Variants in LRRC7 observed in about 807,000 individuals in gnomAD.
LRRC7 encodes leucine-rich repeat-containing protein 7.
Under a neutral mutation model 175.7 loss-of-function variants are expected in LRRC7, and 23 were observed. The observed-to-expected ratio is 0.13, with a 90% confidence interval of 0.09 to 0.19. The LOEUF is 0.19. Ranked by LOEUF, LRRC7 falls within the 10% of genes least tolerant of loss-of-function variation. LRRC7 has a pLI of 1.00. For synonymous variants in LRRC7, 685 were observed against 680.9 expected, an observed-to-expected ratio of 1.01 and a Z score of -0.09; for missense variants, 1,354 against 1,904.7, an observed-to-expected ratio of 0.71 and a Z score of 5.38.
intron 7 of LRRC7, among the ~76,000 whole-genome samples, chr1:69,848,455 G>C (rs1309646160): frequency 6.6e-6 from 1 of 151,996 alleles, no homozygotes; most frequent in Non-Finnish European, 1.5e-5. Flanking sequence ...AAACAACCCT[G>C]AATTTCATCA....
At chr1:69,910,194 T>C (rs1460057261) in intron 7 of LRRC7, among the ~76,000 whole-genome samples, 1 of 152,152 alleles carries the variant, frequency 6.6e-6, no homozygotes, top group Non-Finnish European at 1.5e-5. Context: ...CTCGTCAAAG[T>C]CATTCTCCGT....
intron 7 of LRRC7, chr1:69,839,104 G>A (rs769577948): frequency 7.4e-5 from 19 of 258,408 alleles, no homozygotes; most frequent in South Asian, 6.6e-4. Flanking sequence ...ATTTCAGTAG[G>A]ACTTAGATTC....
chr1:69,892,269 T>C lies in LRRC7; in HGVS notation c.648-39238T>C, dbSNP rs558184292. On this transcript the variant is annotated intron_variant, in intron 7 of 26. Transcript: ENST00000651989. The stretch of plus-strand genomic sequence containing the variant: ...AATGAGGAGTGGCCTGGTTTTCTGA[T>C]CAGGGAAGTAAGTTAAAAACAGTGG... 7.9e-5 allele frequency among the ~76,000 whole-genome samples: 12 copies of C among 152,260 alleles called. No individual in the cohort carries two copies. The South Asian group carries it at 2.5e-3, about 32-fold the overall frequency.
chr1:69,720,183 T>C (rs1666197209), intron 2 of LRRC7, among the ~76,000 whole-genome samples: 1 of 151,700 alleles, frequency 6.6e-6, no homozygotes, highest in African/African-American at 2.4e-5. Flanking sequence ...TTATATTTTT[T>C]TCTCTCCTTT....
At chr1:69,916,410 C>T (rs1199664986) in intron 7 of LRRC7, among the ~76,000 whole-genome samples, 1 of 149,590 alleles carries the variant, frequency 6.7e-6, no homozygotes, top group Non-Finnish European at 1.5e-5. Flanking sequence ...TTTAAAAAAC[C>T]TATTATTGGA....
intron 7 of LRRC7, among the ~76,000 whole-genome samples, chr1:69,877,096 A>C (rs1040569232): frequency 1.3e-5 from 2 of 152,194 alleles, no homozygotes; most frequent in African/African-American, 4.8e-5. Flanking sequence ...AGAAAGCACG[A>C]GGAAGGAGTA....
chr1:69,696,748 T>G lies in LRRC7; in HGVS notation c.100+18270T>G, dbSNP rs113629947. On this transcript the variant is annotated intron_variant, in intron 2 of 26. Transcript: ENST00000651989. ...GCTCTGAGTTCATGTGAGACGTGAT[T>G]GTTTAAAATCACTCTCTCTTGCTTC... is the stretch of plus-strand genomic sequence containing the variant. Among the ~76,000 whole-genome samples, 2 of 152,256 alleles carry G rather than the reference T, an allele frequency of 1.3e-5. 1 individual carries two copies. Among genetic ancestry groups the G allele is most frequent in the African/African-American group, 4.8e-5 (2 of 41,544 alleles).
intron 1 of LRRC7, among the ~76,000 whole-genome samples, chr1:69,601,256 G>C (rs1001381767): frequency 6.6e-6 from 1 of 152,132 alleles, no homozygotes; most frequent in Admixed American, 6.6e-5. Context: ...AAAATGTATA[G>C]ATACACATAT....
chr1:69,925,668 C>T (rs147200397), intron 7 of LRRC7, among the ~76,000 whole-genome samples: 54,863 of 151,838 alleles, frequency 0.36, 12,136 homozygotes, highest in East Asian at 0.55. Context: ...ATTTTTATTG[C>T]GTCTATTTGA....
At chr1:69,786,851 G>A (rs889422620) in intron 3 of LRRC7, among the ~76,000 whole-genome samples, 4 of 152,112 alleles carry the variant, frequency 2.6e-5, no homozygotes, top group Non-Finnish European at 4.4e-5. Context: ...TACTCTCCCA[G>A]ATCTTACGTA....
At chr1:69,654,317 A>G (rs184591361) in intron 1 of LRRC7, among the ~76,000 whole-genome samples, 1 of 152,214 alleles carries the variant, frequency 6.6e-6, no homozygotes, top group Admixed American at 6.5e-5. Context: ...CATCTTATCA[A>G]TGGAAACTAT....
chr1:69,823,341 C>T (rs1211333344), intron 4 of LRRC7, among the ~76,000 whole-genome samples: 4 of 152,160 alleles, frequency 2.6e-5, no homozygotes, highest in Admixed American at 2.6e-4. Context: ...AATGTTACCA[C>T]ATTTTCTAGA....
At chr1:69,680,509 T>C (rs764461952) in intron 2 of LRRC7, among the ~76,000 whole-genome samples, 7 of 152,062 alleles carry the variant, frequency 4.6e-5, no homozygotes, top group Non-Finnish European at 7.4e-5. Context: ...ACCACAGAAA[T>C]TCAGCTGGAG....
intron 25 of LRRC7, among the ~76,000 whole-genome samples, chr1:70,103,912 T>A (rs1322265661): frequency 6.6e-6 from 1 of 152,190 alleles, no homozygotes; most frequent in Non-Finnish European, 1.5e-5. Context: ...AATAAGCTAT[T>A]ATAATTCTTC....
At chr1:69,956,335 C>T (rs1034061845) in intron 8 of LRRC7, among the ~76,000 whole-genome samples, 4 of 151,804 alleles carry the variant, frequency 2.6e-5, no homozygotes, top group Non-Finnish European at 4.4e-5. Flanking sequence ...TTCTCCACAC[C>T]CACACTCATA....
chr1:70,036,558 G>A lies in LRRC7; in HGVS notation c.2222G>A (p.Arg741Gln), dbSNP rs140092259. 1.4e-4 allele frequency: 221 copies of A among 1,613,906 alleles called. No homozygotes were observed. Among genetic ancestry groups the A allele is most frequent in the Non-Finnish European group, 1.7e-4 (205 of 1,179,962 alleles). The change falls in exon 20 of 27, where the codon CGG (arginine) becomes CAG (glutamine). Residue 741 changes from arginine to glutamine, a missense_variant. Transcript: ENST00000651989. ...GCTTCCTCAGGATCCTCTAATACCC[G>A]GGTTAAAGTGGGGTCCTTGCAGACA... ...SQASSGSSNT[R>Q]VKVGSLQTTA...
chr1:69,753,976 C>G (rs1031307745), intron 2 of LRRC7, among the ~76,000 whole-genome samples: 15 of 151,860 alleles, frequency 9.9e-5, no homozygotes, highest in African/African-American at 3.6e-4. Context: ...TCTGAAGGCT[C>G]TAGTATAGGA....
chr1:69,590,295 CTG>C (rs1277417970), intron 1 of LRRC7, among the ~76,000 whole-genome samples: 9 of 152,084 alleles, frequency 5.9e-5, no homozygotes, highest in African/African-American at 1.7e-4. Context: ...GATCTATAAA[CTG>C]GGGCTAATAA....
At chr1:70,011,507 C>G (rs1201137681) in intron 11 of LRRC7, among the ~76,000 whole-genome samples, 1 of 152,110 alleles carries the variant, frequency 6.6e-6, no homozygotes, top group Non-Finnish European at 1.5e-5. Context: ...TTCTGAACAT[C>G]TGGCTACAAA....
Sources: allele counts gnomAD v4.1 joint callset (sites outside exome capture counted in the v4.1 genomes callset), GRCh38; gene constraint gnomAD v4.1.1; transcripts MANE v1.5; gene names NCBI Gene and HGNC (gene_info 2026-07-23, HGNC 2026-07-21).